Variants in TGM6 observed in about 807,000 individuals in gnomAD.
TGM6 encodes transglutaminase 6, also known as protein-glutamine gamma-glutamyltransferase 6.
Under a neutral mutation model 77.5 loss-of-function variants are expected in TGM6, and 74 were observed. The observed-to-expected ratio is 0.96, with a 90% CI of 0.79 to 1.16. TGM6 has a LOEUF of 1.16. Among genes scored for constraint, TGM6 ranks in the 50% most tolerant of loss-of-function variants. The pLI is 0.00. For synonymous variants in TGM6, 383 were observed against 378.9 expected (o/e 1.01, Z -0.12); for missense variants, 968 against 940.2 (o/e 1.03, Z -0.39).
intron 1 of TGM6, among the ~76,000 whole-genome samples, chr20:2,383,888 A>T (rs570434973): frequency 6.6e-6 from 1 of 152,028 alleles, no homozygotes. Context: ...TGAGCGGATC[A>T]TGAGGTCAGG....
chr20:2,396,605 A>G lies in TGM6; in HGVS notation c.524A>G (p.Gln175Arg), dbSNP rs2084669836. 1 of 1,614,214 alleles carries G rather than the reference A, an allele frequency of 6.2e-7. No individual in the cohort carries two copies. The highest frequency in any genetic ancestry group is 8.5e-7 in the Non-Finnish European group (1 of 1,180,018). The change falls in exon 4 of 13, where the codon CAG becomes CGG. Residue 175 changes from glutamine (Q) to arginine (R), a missense_variant. Coordinates refer to ENST00000202625, the MANE Select transcript of TGM6 (RefSeq NM_198994.3). ...FRGVEKHIRA[Q>R]GWNYGQFEED... The stretch of plus-strand genomic sequence containing the variant: ...GGCGTGGAGAAGCACATACGAGCCC[A>G]GGGCTGGAACTACGGGCAGGTCTCC...
At chr20:2,390,597 C>T (rs1023648974) in intron 1 of TGM6, among the ~76,000 whole-genome samples, 1 of 152,220 alleles carries the variant, frequency 6.6e-6, no homozygotes, top group Non-Finnish European at 1.5e-5. Context: ...AAAACAGACA[C>T]AGCTCCCTGC....
chr20:2,405,522 T>C (rs1040627819), intron 9 of TGM6, among the ~76,000 whole-genome samples: 2 of 152,220 alleles, frequency 1.3e-5, no homozygotes, highest in South Asian at 2.1e-4. Flanking sequence ...AGAGAGCAGA[T>C]GCCTTTGTCT....
intron 4 of TGM6, among the ~76,000 whole-genome samples, chr20:2,396,931 G>A (rs548503795): frequency 3.9e-5 from 6 of 152,186 alleles, no homozygotes; most frequent in Non-Finnish European, 5.9e-5. Context: ...GAGGGATGGC[G>A]TGCTGGACCC....
intron 10 of TGM6, among the ~76,000 whole-genome samples, chr20:2,429,672 G>A (rs566920774): frequency 2.6e-5 from 4 of 152,202 alleles, no homozygotes; most frequent in East Asian, 1.9e-4. Flanking sequence ...AAGAGGCTGA[G>A]GCAGGAGAAT....
Position 2,395,426 on chromosome 20 carries a change from A to G in TGM6, c.414A>G (p.Pro138=), listed in dbSNP as rs765768091. Residue 138 remains proline, a synonymous_variant, in exon 3 of 13, where the codon CCA becomes CCG. Coordinates refer to ENST00000202625, the MANE Select transcript of TGM6 (RefSeq NM_198994.3). ...GCGAGTTTGTTCTCCTTTTCAACCC[A>G]TGGTGTGCAGGTAGGAGTGGCCAAG... ...RLGEFVLLFN[P]WCAEDDVFLA... The G allele has an allele frequency of 6.2e-7, 1 of 1,614,208 alleles. No individual in the cohort carries two copies. Among genetic ancestry groups the G allele is most frequent in the Non-Finnish European group, 8.5e-7 (1 of 1,180,038 alleles).
rs1038590417 is a variant in TGM6 at position 2,430,937 on chromosome 20, T to G, written c.1877T>G (p.Val626Gly). The G allele has an allele frequency of 5.0e-6, 8 of 1,614,092 alleles. No individual in the cohort carries two copies. The highest frequency in any genetic ancestry group is 6.8e-6 in the Non-Finnish European group (8 of 1,180,010). Residue 626 changes from valine (V) to glycine (G), a missense_variant, in exon 12 of 13, where the codon GTG (valine) becomes GGG (glycine). Transcript: ENST00000202625. Reference protein sequence around the residue: ...AMVGVAVTVEVTVVNPLIERV... With the variant: ...AMVGVAVTVEGTVVNPLIERV... ...GTGGGAGTGGCAGTTACAGTGGAAGTGACAGTAGTCAACCCCCTCATAGAG... is the reference window on the plus strand; with the variant it reads ...GTGGGAGTGGCAGTTACAGTGGAAGGGACAGTAGTCAACCCCCTCATAGAG...
chr20:2,428,742 G>A (rs2084905338), intron 10 of TGM6, among the ~76,000 whole-genome samples: 1 of 151,978 alleles, frequency 6.6e-6, no homozygotes, highest in Non-Finnish European at 1.5e-5. Flanking sequence ...ATTGTTGTAA[G>A]GATTAAATAA....
intron 9 of TGM6, among the ~76,000 whole-genome samples, chr20:2,407,493 C>A (rs2084760234): frequency 6.6e-6 from 1 of 152,104 alleles, no homozygotes; most frequent in Non-Finnish European, 1.5e-5. Context: ...GTGGTGGTTG[C>A]CTGTAGTCCC....
intron 1 of TGM6, among the ~76,000 whole-genome samples, chr20:2,389,035 T>G (rs1241720848): frequency 1.3e-5 from 2 of 152,234 alleles, no homozygotes; most frequent in African/African-American, 4.8e-5. Flanking sequence ...TGGGGCATGT[T>G]CCTTCTCTTT....
intron 1 of TGM6, 79 bp downstream of exon 1, chr20:2,381,054 C>T (rs370501901): frequency 1.1e-5 from 17 of 1,554,610 alleles, no homozygotes; most frequent in East Asian, 6.8e-5. Flanking sequence ...TGTGGGATGA[C>T]GTTTGATCAT....
intron 1 of TGM6, among the ~76,000 whole-genome samples, chr20:2,386,290 G>A (rs1568651769): frequency 6.6e-6 from 1 of 152,126 alleles, no homozygotes; most frequent in African/African-American, 2.4e-5. Context: ...TGATGGATGT[G>A]GATGACTTAG....
chr20:2,385,568 G>A (rs1295105668), intron 1 of TGM6, among the ~76,000 whole-genome samples: 1 of 152,192 alleles, frequency 6.6e-6, no homozygotes, highest in Non-Finnish European at 1.5e-5. Flanking sequence ...GCCCATGTCA[G>A]AGGCCTCACA....
At position 2,400,400 on chromosome 20, in the gene TGM6, C is replaced by G; in HGVS notation, c.945C>G (p.Asp315Glu). 6.2e-7 allele frequency: 1 copy of G among 1,614,218 alleles called. No homozygotes were observed. Among genetic ancestry groups the G allele is most frequent in the Non-Finnish European group, 8.5e-7 (1 of 1,180,050 alleles). Residue 315 changes from aspartate (D) to glutamate (E), a missense_variant, in exon 7 of 13, where the codon GAC (aspartate) becomes GAG (glutamate). Asp to Glu is a conservative substitution (Grantham distance 45). Transcript: ENST00000202625. ...ACCTGAGTGTGGACAAATACGTGGA[C>G]TCCTTCGGGCGGACCCTGGAGGACC... ...DQNLSVDKYV[D>E]SFGRTLEDLT...
chr20:2,403,448 C>T lies in TGM6; in HGVS notation c.1041C>T (p.Pro347=). Residue 347 remains proline (P), a synonymous_variant, in exon 8 of 13, where the codon CCC becomes CCT. Transcript: ENST00000202625. ...GGTTTGCCCGGCAGGACCTAGGCCC[C>T]TCTTACAATGGCTGGCAGGTTCTGG... ...ESWFARQDLG[P]SYNGWQVLDA... 6.2e-7 allele frequency: 1 copy of T among 1,614,174 alleles called. No individual in the cohort carries two copies. Among genetic ancestry groups the T allele is most frequent in the Non-Finnish European group, 8.5e-7 (1 of 1,180,024 alleles).
Position 2,432,735 on chromosome 20 carries a change from G to T in TGM6, c.*92G>T. 6.3e-7 allele frequency: 1 copy of T among 1,576,588 alleles called. No homozygotes were observed. The highest frequency in any genetic ancestry group is 8.7e-7 in the Non-Finnish European group (1 of 1,149,978). On this transcript the variant is annotated 3_prime_UTR_variant, in exon 13 of 13. Transcript: ENST00000202625. ...TCCACATGGGAGCCAGGAGGCCTCA[G>T]TTAATCCTGCCTCAACCTCTGCCCT...
chr20:2,430,235 T>G (rs2084915533), intron 10 of TGM6, among the ~76,000 whole-genome samples: 1 of 152,188 alleles, frequency 6.6e-6, no homozygotes, highest in African/African-American at 2.4e-5. Flanking sequence ...CTTAATTTCT[T>G]GGTTTACTTC....
intron 9 of TGM6, among the ~76,000 whole-genome samples, chr20:2,406,095 A>G (rs1441158016): frequency 6.6e-6 from 1 of 152,066 alleles, no homozygotes; most frequent in African/African-American, 2.4e-5. Context: ...TTTAGCTCCT[A>G]TCTCCAGGAA....
intron 1 of TGM6, among the ~76,000 whole-genome samples, chr20:2,388,107 C>G (rs1287382286): frequency 6.6e-6 from 1 of 152,134 alleles, no homozygotes; most frequent in Non-Finnish European, 1.5e-5. Flanking sequence ...CTTCCAGGTC[C>G]AGAGGGTGGG....
Sources: allele counts gnomAD v4.1 joint callset (sites outside exome capture counted in the v4.1 genomes callset), GRCh38; gene constraint gnomAD v4.1.1; transcripts MANE v1.5; gene names NCBI Gene and HGNC (gene_info 2026-07-23, HGNC 2026-07-21).